The following RARB variants were observed in gnomAD, a reference collection of about 807,000 sequenced individuals.
The protein encoded by RARB is retinoic acid receptor beta.
In RARB, 17 loss-of-function variants were observed where a neutral mutation model predicts 51.9. The ratio of observed to expected loss-of-function variants is 0.33; its 90% CI spans 0.22 to 0.49. RARB has a LOEUF of 0.49. Among genes scored for constraint, RARB ranks in the 20% least tolerant of loss-of-function variants. The pLI, the probability that RARB is intolerant of heterozygous loss-of-function variation, is 0.99. For missense variants in RARB, 369 were observed against 550.8 expected (o/e 0.67, Z 3.30); for synonymous variants, 215 against 195.4 (o/e 1.10, Z -0.84).
chr3:25,366,461 T>G (rs1706122778), intron 5 of RARB, among the ~76,000 whole-genome samples: 1 of 152,192 alleles, frequency 6.6e-6, no homozygotes, highest in African/African-American at 2.4e-5. Context: ...AATGATCAGG[T>G]TAATAGAAGT....
chr3:25,245,195 T>C (rs73044279), intron 5 of RARB, among the ~76,000 whole-genome samples: 13,217 of 152,232 alleles, frequency 0.087, 751 homozygotes, highest in Non-Finnish European at 0.13. Flanking sequence ...AGTCTATGAG[T>C]ATCTTTAAGT....
rs189666275 is a variant in RARB, at chr3:25,205,344, A to C, written c.178+30769A>C. ...CTGTCACCCCTTTCCTTGGCTAGGA[A>C]AGGGAATTCCCTGACCCCTTGCACT... is the stretch of plus-strand genomic sequence containing the variant. On this transcript the variant is annotated intron_variant, in intron 5 of 11. Coordinates refer to the RARB transcript ENST00000383772. Among the ~76,000 whole-genome samples the C allele has an allele frequency of 2.4e-3, 366 of 152,240 alleles. 3 individuals are homozygous for C. The highest frequency in any genetic ancestry group is 8.6e-3 in the African/African-American group (356 of 41,546).
chr3:24,963,467 C>T (rs1696184564), intron 2 of RARB, among the ~76,000 whole-genome samples: 1 of 146,910 alleles, frequency 6.8e-6, no homozygotes, highest in East Asian at 2.0e-4. Context: ...CTCATGCTTG[C>T]TTTGGTCTTA....
intron 5 of RARB, among the ~76,000 whole-genome samples, chr3:25,327,403 G>A (rs1704757547): frequency 2.6e-5 from 4 of 151,982 alleles, no homozygotes; most frequent in Admixed American, 2.6e-4. Context: ...TATAATCAAA[G>A]CAATTGGAAT....
At chr3:25,081,608 TATATATATATA>T (rs1442121550) in intron 3 of RARB, among the ~76,000 whole-genome samples, 1,070 of 15,922 alleles carry the variant, frequency 0.067, 71 homozygotes, top group Non-Finnish European at 0.094. Flanking sequence ...TATATATATA[TATATATATATA>T]TATTTTTTTT....
chr3:25,215,224 C>T (rs971760264), intron 5 of RARB, among the ~76,000 whole-genome samples: 1 of 152,164 alleles, frequency 6.6e-6, no homozygotes, highest in Non-Finnish European at 1.5e-5. Context: ...AGGTGGTTCT[C>T]TGTAGCCAGG....
intron 5 of RARB, among the ~76,000 whole-genome samples, chr3:25,297,958 TTTTAATTTACTCTG>T (rs1386195562): frequency 1.3e-5 from 2 of 152,186 alleles, no homozygotes; most frequent in Non-Finnish European, 2.9e-5. Context: ...AAACATTAAT[TTTTAATTTACTCTG>T]TTTACCTTGA....
chr3:24,895,910 ACT>A (rs1703469226), intron 2 of RARB, among the ~76,000 whole-genome samples: 1 of 152,054 alleles, frequency 6.6e-6, no homozygotes, highest in Admixed American at 6.6e-5. Flanking sequence ...ATATTTGTAC[ACT>A]CTTGTTTATT....
intron 5 of RARB, among the ~76,000 whole-genome samples, chr3:25,197,797 A>G (rs1235510677): frequency 5.9e-5 from 9 of 152,096 alleles, no homozygotes; most frequent in Admixed American, 5.3e-4. Context: ...AAAAATGGAA[A>G]GATATTCCAT....
chr3:25,290,203 A>AC (rs1466055532), intron 5 of RARB, among the ~76,000 whole-genome samples: 2 of 152,208 alleles, frequency 1.3e-5, no homozygotes, highest in Non-Finnish European at 2.9e-5. Flanking sequence ...GGACTTATGA[A>AC]CATAACTACG....
intron 2 of RARB, among the ~76,000 whole-genome samples, chr3:24,910,953 C>G (rs1263905920): frequency 6.6e-6 from 1 of 152,180 alleles, no homozygotes; most frequent in Middle Eastern, 3.2e-3. Flanking sequence ...TACCACAGGG[C>G]CAACATAAGT....
intron 2 of RARB, among the ~76,000 whole-genome samples, chr3:24,938,673 A>T (rs1313189061): frequency 6.6e-6 from 1 of 152,154 alleles, no homozygotes; most frequent in Non-Finnish European, 1.5e-5. Flanking sequence ...CCATTTATAA[A>T]ACTTTTCTAT....
intron 2 of RARB, among the ~76,000 whole-genome samples, chr3:25,499,581 C>T (rs1412913089): frequency 6.6e-6 from 1 of 152,162 alleles, no homozygotes; most frequent in Non-Finnish European, 1.5e-5. Flanking sequence ...CGGTGTTTCC[C>T]AGAAAATCAG....
At chr3:25,519,158 G>A (rs1286428992) in intron 3 of RARB, among the ~76,000 whole-genome samples, 3 of 152,084 alleles carry the variant, frequency 2.0e-5, no homozygotes. Flanking sequence ...TTTATAGATA[G>A]GCTTTTCTCA....
intron 3 of RARB, among the ~76,000 whole-genome samples, chr3:25,518,453 C>A (rs34821999): frequency 0.045 from 6,814 of 151,998 alleles, 209 homozygotes; most frequent in Non-Finnish European, 0.067. Flanking sequence ...TTAGGATGTC[C>A]TTGACATTTT....
At chr3:24,956,949 C>G (rs1377335463) in intron 2 of RARB, among the ~76,000 whole-genome samples, 3 of 152,190 alleles carry the variant, frequency 2.0e-5, no homozygotes, top group African/African-American at 4.8e-5. Context: ...GGGCCAATCC[C>G]TCTGAGTTAC....
At chr3:25,274,251 C>T (rs936192703) in intron 5 of RARB, among the ~76,000 whole-genome samples, 1 of 152,158 alleles carries the variant, frequency 6.6e-6, no homozygotes, top group Non-Finnish European at 1.5e-5. Flanking sequence ...GTTTTTCATA[C>T]TAAGTGTTCA....
chr3:25,513,757 A>G (rs1698024523), intron 3 of RARB, among the ~76,000 whole-genome samples: 1 of 152,012 alleles, frequency 6.6e-6, no homozygotes, highest in Admixed American at 6.6e-5. Context: ...AACGGTGCCT[A>G]TTAAACCAAG....
chr3:25,326,569 T>G (rs1302541370), intron 5 of RARB, among the ~76,000 whole-genome samples: 1 of 152,220 alleles, frequency 6.6e-6, no homozygotes, highest in Non-Finnish European at 1.5e-5. Flanking sequence ...TTAAATAACT[T>G]CTTTTCATGA....
Sources: allele counts gnomAD v4.1 joint callset (sites outside exome capture counted in the v4.1 genomes callset), GRCh38; gene constraint gnomAD v4.1.1; transcripts MANE v1.5; gene names NCBI Gene and HGNC (gene_info 2026-07-23, HGNC 2026-07-21).